The following ADGRB3 variants were observed in gnomAD, a reference collection of about 807,000 sequenced individuals.
ADGRB3 encodes the protein adhesion G protein-coupled receptor B3.
Under a neutral mutation model 193.4 loss-of-function variants are expected in ADGRB3, and 37 were observed. The observed-to-expected ratio is 0.19, with a 90% CI of 0.15 to 0.25. The LOEUF (loss-of-function observed/expected upper bound fraction) is 0.25, where lower values mean the gene tolerates loss of function less well. ADGRB3 is among the 10% of genes least tolerant of loss of function. ADGRB3 has a pLI of 1.00. For synonymous variants in ADGRB3, 690 were observed against 644.2 expected, an observed-to-expected ratio of 1.07 and a Z score of -1.08; for missense variants, 1,637 against 1,852.9, an observed-to-expected ratio of 0.88 and a Z score of 2.14.
At chr6:69,383,290 G>C (rs1769990666) in intron 31 of ADGRB3, among the ~76,000 whole-genome samples, 1 of 151,874 alleles carries the variant, frequency 6.6e-6, no homozygotes, top group African/African-American at 2.4e-5. Context: ...TTGAATGTCT[G>C]ACATAAATGT....
At chr6:69,064,227 C>G (rs1771832723) in intron 16 of ADGRB3, among the ~76,000 whole-genome samples, 1 of 151,890 alleles carries the variant, frequency 6.6e-6, no homozygotes, top group South Asian at 2.1e-4. Context: ...ATAAAAATTT[C>G]AAATCTCTCT....
intron 3 of ADGRB3, among the ~76,000 whole-genome samples, chr6:68,688,635 T>G (rs961375282): frequency 5.9e-5 from 9 of 152,190 alleles, no homozygotes; most frequent in African/African-American, 1.9e-4. Context: ...TAATTATAAC[T>G]GAAATATCTC....
intron 20 of ADGRB3, among the ~76,000 whole-genome samples, chr6:69,244,130 A>G (rs1766440448): frequency 6.6e-6 from 1 of 152,056 alleles, no homozygotes; most frequent in African/African-American, 2.4e-5. Flanking sequence ...ATTGTATTAC[A>G]TAATGGGCTG....
intron 17 of ADGRB3, among the ~76,000 whole-genome samples, chr6:69,136,340 A>G (rs1774148472): frequency 1.3e-5 from 2 of 152,114 alleles, no homozygotes; most frequent in South Asian, 4.1e-4. Flanking sequence ...ATCCATGATG[A>G]TAACCTCAAA....
chr6:68,650,943 T>A (rs989336966), intron 3 of ADGRB3, among the ~76,000 whole-genome samples: 3 of 152,186 alleles, frequency 2.0e-5, no homozygotes, highest in African/African-American at 7.2e-5. Context: ...ATTTTATGTC[T>A]GCTGGATGTT....
chr6:69,288,034 A>AT lies in ADGRB3; in HGVS notation c.2815-36828dup, dbSNP rs112515092. Among the ~76,000 whole-genome samples the AT allele has an allele frequency of 2.6e-3, 384 of 148,284 alleles. 3 individuals are homozygous for AT. The highest frequency in any genetic ancestry group is 6.1e-3 in the African/African-American group (246 of 40,584). The stretch of plus-strand genomic sequence containing the variant: ...ATGCAGTAGCAATAAAACTTGTTTC[A>AT]TTTTTTTTTTGACACTAATTTTTTT... On this transcript the variant is annotated intron_variant, in intron 20 of 31. Transcript: ENST00000370598.
intron 3 of ADGRB3, among the ~76,000 whole-genome samples, chr6:68,777,087 G>T (rs182087971): frequency 6.6e-6 from 1 of 152,088 alleles, no homozygotes; most frequent in African/African-American, 2.4e-5. Flanking sequence ...TGCTTCTGTG[G>T]TATAATACAA....
At chr6:68,690,966 G>T (rs1765062380) in intron 3 of ADGRB3, among the ~76,000 whole-genome samples, 3 of 151,984 alleles carry the variant, frequency 2.0e-5, no homozygotes, top group African/African-American at 7.2e-5. Context: ...ATTAAATCGG[G>T]CCAGTATTTT....
chr6:68,790,253 G>C lies in ADGRB3; in HGVS notation c.758-140306G>C, dbSNP rs537749814. On this transcript the variant is annotated intron_variant, in intron 3 of 31. Transcript: ENST00000370598. ...CGAGATCAAACTGCAAGGCAGCAGG[G>C]AGGCTGGGGGAGGGGTGCCCGCCAT... Among the ~76,000 whole-genome samples, 20 of 151,796 alleles carry C rather than the reference G, an allele frequency of 1.3e-4. No individual in the cohort carries two copies. In the South Asian group the frequency reaches 3.9e-3, roughly 30 times the overall value.
chr6:68,648,999 T>C (rs1768282562), intron 3 of ADGRB3, among the ~76,000 whole-genome samples: 1 of 151,856 alleles, frequency 6.6e-6, no homozygotes, highest in African/African-American at 2.4e-5. Context: ...ATTGCACATA[T>C]TGTTTTGTAT....
chr6:69,227,261 G>T (rs1041560237), intron 17 of ADGRB3, among the ~76,000 whole-genome samples: 16 of 152,218 alleles, frequency 1.1e-4, no homozygotes, highest in Non-Finnish European at 1.3e-4. Flanking sequence ...GCGAATATAT[G>T]TGTGTTAGGA....
At chr6:68,975,750 G>C (rs904240625) in intron 10 of ADGRB3, among the ~76,000 whole-genome samples, 1 of 152,084 alleles carries the variant, frequency 6.6e-6, no homozygotes, top group Non-Finnish European at 1.5e-5. Context: ...GTGTCACTTA[G>C]CTATCAAATT....
intron 30 of ADGRB3, among the ~76,000 whole-genome samples, chr6:69,381,308 G>A (rs191390116): frequency 1.4e-4 from 22 of 151,866 alleles, no homozygotes; most frequent in African/African-American, 4.1e-4. Context: ...GAAGTTAATC[G>A]CTCTATAATT....
At chr6:68,716,179 G>A (rs1229266702) in intron 3 of ADGRB3, among the ~76,000 whole-genome samples, 4 of 151,598 alleles carry the variant, frequency 2.6e-5, no homozygotes, top group Non-Finnish European at 5.9e-5. Context: ...TTTCTTCAGT[G>A]ACCACATTGC....
chr6:69,334,034 A>G (rs930416180), intron 24 of ADGRB3, among the ~76,000 whole-genome samples: 1 of 151,096 alleles, frequency 6.6e-6, no homozygotes, highest in African/African-American at 2.4e-5. Flanking sequence ...ATGTATATAT[A>G]ATGACAGTAA....
chr6:68,677,490 A>T (rs1488623982), intron 3 of ADGRB3, among the ~76,000 whole-genome samples: 4 of 149,462 alleles, frequency 2.7e-5, no homozygotes, highest in Non-Finnish European at 5.9e-5. Flanking sequence ...AAATAGTATC[A>T]TAGGAATTTT....
intron 31 of ADGRB3, among the ~76,000 whole-genome samples, chr6:69,383,893 CCTT>C (rs1257812529): frequency 1.3e-5 from 2 of 151,854 alleles, no homozygotes; most frequent in South Asian, 2.1e-4. Context: ...CTTGGATGGT[CCTT>C]CTTCTTTTCC....
rs541064773 is a variant in ADGRB3 at position 68,783,395 on chromosome 6, A to G, written c.757+143963A>G. ...ATATGTAAGTTTTAGAATTAATTAT[A>G]TGTCTAGGCTATACTGCAGTAGCCA... On this transcript the variant is annotated intron_variant, in intron 3 of 31. Coordinates refer to ENST00000370598, the MANE Select transcript of ADGRB3 (RefSeq NM_001704.3). 5.3e-5 allele frequency among the ~76,000 whole-genome samples: 8 copies of G among 150,516 alleles called. No homozygotes were observed. The South Asian group carries it at 1.7e-3, about 31-fold the overall frequency.
At position 69,355,681 on chromosome 6, in the gene ADGRB3, T is replaced by C. The variant is rs148064673; in HGVS notation, c.3556-140T>C. On this transcript the variant is annotated intron_variant, in intron 27 of 31. Transcript: ENST00000370598. The stretch of plus-strand genomic sequence containing the variant: ...CTGTTGAAAACAATCTAATTATACA[T>C]AGAGAAATTTCCTATGAACAAAACA... 9.7e-5 allele frequency: 67 copies of C among 690,262 alleles called. No individual in the cohort carries two copies. The East Asian group carries it at 1.2e-3, about 12-fold the overall frequency. The allele number at this position is 690,262 out of a possible 1,614,324, so 42.8% of individuals were successfully genotyped here.
Sources: gnomAD v4.1 joint callset for allele counts (sites outside exome capture counted in the v4.1 genomes callset) on GRCh38, gnomAD v4.1.1 for gene constraint, MANE v1.5 for transcripts, NCBI Gene and HGNC (gene_info 2026-07-23, HGNC 2026-07-21) for gene names.